The following TSPAN18 variants were observed in gnomAD, a reference collection of about 807,000 sequenced individuals.
TSPAN18 encodes tetraspanin 18, also known as tetraspanin-18.
TSPAN18 carries 14 observed loss-of-function variants against 27.3 expected under a neutral mutation model. The ratio of observed to expected loss-of-function variants is 0.51; its 90% CI spans 0.34 to 0.80. The LOEUF is 0.80. Among genes scored for constraint, TSPAN18 ranks in the 30% least tolerant of loss-of-function variants. The pLI, the probability that TSPAN18 is intolerant of heterozygous loss-of-function variation, is 0.01. For missense variants in TSPAN18, 268 were observed against 323.9 expected, an observed-to-expected ratio of 0.83 and a Z score of 1.32; for synonymous variants, 143 against 136.5, an observed-to-expected ratio of 1.05 and a Z score of -0.33.
At chr11:44,788,456 C>CTTTTTTT (rs11458938) in intron 2 of TSPAN18, among the ~76,000 whole-genome samples, 16 of 126,804 alleles carry the variant, frequency 1.3e-4, no homozygotes, top group African/African-American at 4.2e-4. Flanking sequence ...CTTTTTTTCT[C>CTTTTTTT]TTTTTTTTTT....
intron 2 of TSPAN18, among the ~76,000 whole-genome samples, chr11:44,769,619 CT>C (rs1178498371): frequency 6.6e-6 from 1 of 152,096 alleles, no homozygotes; most frequent in Non-Finnish European, 1.5e-5. Context: ...CAGATTGTGT[CT>C]TTCTAGGAAT....
intron 2 of TSPAN18, among the ~76,000 whole-genome samples, chr11:44,790,153 A>ATG (rs1554983799): frequency 2.3e-5 from 3 of 132,146 alleles, no homozygotes; most frequent in Non-Finnish European, 3.1e-5. Context: ...GCGTGTGTGC[A>ATG]TGTGTGTGTG....
intron 2 of TSPAN18, among the ~76,000 whole-genome samples, chr11:44,800,006 G>GTTT (rs60067559): frequency 2.8e-3 from 307 of 109,352 alleles, no homozygotes; most frequent in Non-Finnish European, 4.3e-3. Context: ...AATTTTTTGT[G>GTTT]TTTTTTTTTT....
chr11:44,797,333 T>C (rs533416967), intron 2 of TSPAN18, among the ~76,000 whole-genome samples: 1 of 152,186 alleles, frequency 6.6e-6, no homozygotes, highest in African/African-American at 2.4e-5. Context: ...CACTGTAGCC[T>C]GATGAGGTGG....
intron 2 of TSPAN18, among the ~76,000 whole-genome samples, chr11:44,834,973 T>G (rs1857234814): frequency 6.6e-6 from 1 of 152,162 alleles, no homozygotes; most frequent in Non-Finnish European, 1.5e-5. Context: ...CCTGTAAGTT[T>G]CTGTTAACTT....
intron 9 of TSPAN18, among the ~76,000 whole-genome samples, chr11:44,927,535 G>T (rs2135386385): frequency 6.6e-6 from 1 of 152,344 alleles, no homozygotes; most frequent in East Asian, 1.9e-4. Context: ...GTTTCCCACT[G>T]TGCCTGCAGC....
chr11:44,913,066 G>T (rs113469025), intron 5 of TSPAN18, among the ~76,000 whole-genome samples: 1 of 152,228 alleles, frequency 6.6e-6, no homozygotes, highest in Non-Finnish European at 1.5e-5. Context: ...TAACTGTGTG[G>T]TGGTTCCAAC....
At chr11:44,909,280 G>A (rs1445096845) in intron 4 of TSPAN18, among the ~76,000 whole-genome samples, 3 of 152,114 alleles carry the variant, frequency 2.0e-5, no homozygotes, top group African/African-American at 7.2e-5. Context: ...GGAGTCAGGG[G>A]GCCTGCGACC....
At chr11:44,905,853 C>T (rs981887909) in intron 3 of TSPAN18, among the ~76,000 whole-genome samples, 69 of 152,204 alleles carry the variant, frequency 4.5e-4, no homozygotes, top group African/African-American at 1.5e-3. Context: ...CCCAGGTAGG[C>T]TGCTCTCCTT....
At chr11:44,772,260 C>A (rs753098486) in intron 2 of TSPAN18, among the ~76,000 whole-genome samples, 1 of 152,138 alleles carries the variant, frequency 6.6e-6, no homozygotes, top group Non-Finnish European at 1.5e-5. Context: ...ATATATGACA[C>A]CTAGAGCACA....
At chr11:44,762,759 G>T (rs899730687) in intron 1 of TSPAN18, among the ~76,000 whole-genome samples, 1 of 152,124 alleles carries the variant, frequency 6.6e-6, no homozygotes, top group Non-Finnish European at 1.5e-5. Flanking sequence ...TTGAGGCCCA[G>T]ATAGCTAAAT....
intron 2 of TSPAN18, among the ~76,000 whole-genome samples, chr11:44,796,168 A>C (rs1472611475): frequency 6.6e-6 from 1 of 152,162 alleles, no homozygotes; most frequent in African/African-American, 2.4e-5. Flanking sequence ...GGAGGAGGAG[A>C]AAATGGAGGC....
intron 2 of TSPAN18, among the ~76,000 whole-genome samples, chr11:44,808,513 C>T (rs1395014278): frequency 6.6e-6 from 1 of 152,218 alleles, no homozygotes; most frequent in African/African-American, 2.4e-5. Flanking sequence ...ATGGGATCAT[C>T]ACCTGATCTG....
At chr11:44,858,257 A>ACT (rs1282442311) in intron 2 of TSPAN18, among the ~76,000 whole-genome samples, 1 of 151,938 alleles carries the variant, frequency 6.6e-6, no homozygotes, top group East Asian at 1.9e-4. Context: ...GCCTATGCTC[A>ACT]CCCTGGGCCC....
intron 9 of TSPAN18, among the ~76,000 whole-genome samples, chr11:44,928,466 G>A (rs540768190): frequency 4.7e-4 from 71 of 152,278 alleles, no homozygotes; most frequent in Non-Finnish European, 7.2e-4. Context: ...CCTCAGGTAG[G>A]TTACATACCT....
chr11:44,782,606 G>A (rs1032514487), intron 2 of TSPAN18, among the ~76,000 whole-genome samples: 5 of 151,550 alleles, frequency 3.3e-5, no homozygotes, highest in Admixed American at 2.6e-4. Context: ...CAAAATGCTT[G>A]TATTGTTTTT....
rs920645231 is a variant in TSPAN18 at position 44,814,839 on chromosome 11, A to C, written c.-152-45489A>C. Among the ~76,000 whole-genome samples the C allele has an allele frequency of 3.3e-5, 5 of 152,364 alleles. No homozygotes were observed. In the East Asian group the frequency reaches 9.6e-4, roughly 29 times the overall value. On this transcript the variant is annotated intron_variant, in intron 2 of 9. Transcript: ENST00000520358. Reference sequence around the variant, plus strand: ...CAGGCTGCTAAAACTAAAGAAAGCAAGTACATAAGATAATTTCAGAGAGTA... The same window carrying C: ...CAGGCTGCTAAAACTAAAGAAAGCACGTACATAAGATAATTTCAGAGAGTA...
chr11:44,755,761 C>A (rs552233584), intron 1 of TSPAN18, among the ~76,000 whole-genome samples: 1 of 152,096 alleles, frequency 6.6e-6, no homozygotes, highest in African/African-American at 2.4e-5. Flanking sequence ...GCTTGGGAGA[C>A]GAGGTCTGAG....
At chr11:44,739,407 G>T (rs1854876481) in intron 1 of TSPAN18, among the ~76,000 whole-genome samples, 1 of 152,218 alleles carries the variant, frequency 6.6e-6, no homozygotes. Context: ...CAGATCACTT[G>T]AGGTTAGGAG....
Sources: gnomAD v4.1 joint callset for allele counts (sites outside exome capture counted in the v4.1 genomes callset) on GRCh38, gnomAD v4.1.1 for gene constraint, MANE v1.5 for transcripts, NCBI Gene and HGNC (gene_info 2026-07-23, HGNC 2026-07-21) for gene names.